Variants in PPP6R3 observed in about 807,000 individuals in gnomAD.
PPP6R3 encodes serine/threonine-protein phosphatase 6 regulatory subunit 3.
In PPP6R3, 38 loss-of-function variants were observed where a neutral mutation model predicts 110.7. The ratio of observed to expected loss-of-function variants is 0.34; its 90% CI spans 0.26 to 0.45. The LOEUF is 0.45. PPP6R3 is among the 20% of genes least tolerant of loss of function. PPP6R3 has a pLI of 1.00. For synonymous variants in PPP6R3, 369 were observed against 373.5 expected (o/e 0.99, Z 0.14); for missense variants, 870 against 1,062.4 (o/e 0.82, Z 2.52).
At chr11:68,558,433 A>G in intron 7 of PPP6R3, 133 bp from the exon 8 acceptor site, 3 of 575,002 alleles carry the variant, frequency 5.2e-6, no homozygotes, top group Non-Finnish European at 9.2e-6. Context: ...AAGTATATAG[A>G]AATAAAATAG....
intron 1 of PPP6R3, among the ~76,000 whole-genome samples, chr11:68,475,814 C>T (rs1209520672): frequency 2.0e-5 from 3 of 151,960 alleles, no homozygotes; most frequent in African/African-American, 7.2e-5. Flanking sequence ...GGGCTCCTCA[C>T]TTCTCAGACG....
intron 18 of PPP6R3, 30 bp from the exon 19 acceptor site, chr11:68,596,067 G>A (rs2153899978): frequency 1.2e-6 from 2 of 1,613,938 alleles, no homozygotes; most frequent in Non-Finnish European, 1.7e-6. Context: ...GATAAGCAGT[G>A]TTAAATACTT....
chr11:68,593,295 T>G (rs565782768), intron 18 of PPP6R3, among the ~76,000 whole-genome samples: 2 of 152,216 alleles, frequency 1.3e-5, no homozygotes, highest in African/African-American at 2.4e-5. Context: ...TTGTCTAGCT[T>G]CTTTCACTCA....
chr11:68,514,133 A>C (rs1039530866), intron 1 of PPP6R3, among the ~76,000 whole-genome samples: 2 of 151,804 alleles, frequency 1.3e-5, no homozygotes, highest in Non-Finnish European at 2.9e-5. Context: ...GCGTGATCAT[A>C]TCTCTCTGTA....
chr11:68,508,410 G>C (rs867835993), intron 1 of PPP6R3, among the ~76,000 whole-genome samples: 1 of 152,040 alleles, frequency 6.6e-6, no homozygotes. Context: ...GATTACAGGC[G>C]TGAGCCACCG....
intron 10 of PPP6R3, among the ~76,000 whole-genome samples, chr11:68,569,296 A>G (rs755546484): frequency 3.9e-5 from 6 of 152,168 alleles, no homozygotes; most frequent in Non-Finnish European, 8.8e-5. Flanking sequence ...CTCGTTATTT[A>G]TGAGGGATAC....
chr11:68,596,846 T>C (rs1368982347), intron 19 of PPP6R3, among the ~76,000 whole-genome samples: 1 of 152,196 alleles, frequency 6.6e-6, no homozygotes, highest in East Asian at 1.9e-4. Flanking sequence ...CTGGCCAGTC[T>C]CTGATTGCCC....
At chr11:68,495,701 G>A (rs2099011055) in intron 1 of PPP6R3, among the ~76,000 whole-genome samples, 1 of 152,094 alleles carries the variant, frequency 6.6e-6, no homozygotes, top group Non-Finnish European at 1.5e-5. Context: ...CTCATTATGT[G>A]GGGAATATTA....
chr11:68,481,197 G>C (rs1233158313), intron 1 of PPP6R3, among the ~76,000 whole-genome samples: 4 of 152,116 alleles, frequency 2.6e-5, no homozygotes, highest in Non-Finnish European at 4.4e-5. Context: ...ATTAAAAAGA[G>C]GCCATCAGAA....
intron 1 of PPP6R3, among the ~76,000 whole-genome samples, chr11:68,480,759 A>G (rs760524674): frequency 5.3e-4 from 81 of 152,242 alleles, no homozygotes; most frequent in Non-Finnish European, 9.6e-4. Flanking sequence ...CTAGTATTCA[A>G]AATATTTTAA....
At chr11:68,581,179 A>G (rs1033361461) in intron 14 of PPP6R3, among the ~76,000 whole-genome samples, 1 of 152,218 alleles carries the variant, frequency 6.6e-6, no homozygotes, top group African/African-American at 2.4e-5. Context: ...ATGTGTGTGC[A>G]TTGTGTTACT....
At chr11:68,482,816 A>G (rs1034508557) in intron 1 of PPP6R3, among the ~76,000 whole-genome samples, 15 of 151,788 alleles carry the variant, frequency 9.9e-5, no homozygotes, top group Middle Eastern at 3.4e-3. Flanking sequence ...TTTTCTGTAT[A>G]TTTGCATATA....
At chr11:68,492,746 C>T (rs959021764) in intron 1 of PPP6R3, among the ~76,000 whole-genome samples, 1 of 152,186 alleles carries the variant, frequency 6.6e-6, no homozygotes, top group African/African-American at 2.4e-5. Flanking sequence ...ATGAGGGTTC[C>T]ACTTTGCCCA....
intron 1 of PPP6R3, among the ~76,000 whole-genome samples, chr11:68,483,728 T>G (rs573204372): frequency 1.3e-5 from 2 of 152,284 alleles, no homozygotes; most frequent in African/African-American, 4.8e-5. Context: ...GTGATCCGCC[T>G]TCTTTGGTCT....
intron 1 of PPP6R3, among the ~76,000 whole-genome samples, chr11:68,510,337 A>ATTCTTCTTTGTTTT (rs2099102558): frequency 6.6e-6 from 1 of 151,824 alleles, no homozygotes; most frequent in Non-Finnish European, 1.5e-5. Flanking sequence ...CCAGTCCAAC[A>ATTCTTCTTTGTTTT]TTCTTCTTTG....
At chr11:68,506,058 C>T (rs893180720) in intron 1 of PPP6R3, among the ~76,000 whole-genome samples, 3 of 150,390 alleles carry the variant, frequency 2.0e-5, no homozygotes, top group African/African-American at 4.9e-5. Context: ...TTTCCCCCCG[C>T]GTTGTAGGTA....
intron 11 of PPP6R3, 103 bp from the exon 12 acceptor site, chr11:68,570,937 T>C (rs1283302367): frequency 7.2e-7 from 1 of 1,388,488 alleles, no homozygotes; most frequent in Non-Finnish European, 9.6e-7. Flanking sequence ...TTTAGCTTGC[T>C]AGATTATGCA....
intron 1 of PPP6R3, among the ~76,000 whole-genome samples, chr11:68,472,192 A>G (rs1053939935): frequency 6.6e-6 from 1 of 152,188 alleles, no homozygotes; most frequent in Non-Finnish European, 1.5e-5. Flanking sequence ...GAGAGAGGCC[A>G]GGAAGTGATG....
chr11:68,613,214 C>T lies in PPP6R3; in HGVS notation c.*97C>T. On this transcript the variant is annotated 3_prime_UTR_variant, in exon 24 of 24. Transcript: ENST00000393800. Reference sequence around the variant, plus strand: ...GGAGCCCACCAAGCTGTCACTGCTGCACTCACTCTGCAAGGGATCAGGACC... The same window carrying T: ...GGAGCCCACCAAGCTGTCACTGCTGTACTCACTCTGCAAGGGATCAGGACC... 1 of 1,551,792 alleles carries T rather than the reference C, an allele frequency of 6.4e-7. No homozygotes were observed. Among genetic ancestry groups the T allele is most frequent in the Non-Finnish European group, 8.7e-7 (1 of 1,150,856 alleles).
Sources: allele counts gnomAD v4.1 joint callset (sites outside exome capture counted in the v4.1 genomes callset), GRCh38; gene constraint gnomAD v4.1.1; transcripts MANE v1.5; gene names NCBI Gene and HGNC (gene_info 2026-07-23, HGNC 2026-07-21).